KLF3: variants seen among roughly 807,000 people sequenced by gnomAD.
KLF3 encodes the protein KLF transcription factor 3.
KLF3 carries 6 observed loss-of-function variants against 32.7 expected under a neutral mutation model. That is an observed-to-expected ratio of 0.18 (90% CI 0.10 to 0.36). The LOEUF (loss-of-function observed/expected upper bound fraction) is 0.36, where lower values mean the gene tolerates loss of function less well. Ranked by LOEUF, KLF3 falls within the 10% of genes least tolerant of loss-of-function variation. The probability of loss-of-function intolerance (pLI) is 1.00; values close to 1 mark genes in which losing one functional copy is unlikely to be tolerated. For missense variants in KLF3, 338 were observed against 449.7 expected (o/e 0.75, Z 2.25); for synonymous variants, 145 against 172.8 (o/e 0.84, Z 1.26).
At position 38,688,445 on chromosome 4, in the gene KLF3, C is replaced by A; in HGVS notation, c.58-140C>A. The A allele has an allele frequency of 1.2e-6, 1 of 823,386 alleles. No individual in the cohort carries two copies. Among genetic ancestry groups the A allele is most frequent in the Admixed American group, 2.7e-5 (1 of 36,848 alleles). 51.0% of individuals were successfully genotyped at this position (823,386 alleles called of 1,614,324 possible). A position where few individuals can be genotyped will look rare whatever the true frequency, so the allele number is the denominator to read the frequency against. On this transcript the variant is annotated intron_variant, in intron 2 of 5. Coordinates refer to ENST00000261438, the MANE Select transcript of KLF3 (RefSeq NM_016531.6). This position sits in a 1 kb window ranked among gnomAD's most constrained non-coding sequence, Gnocchi z 4.9. Reference sequence around the variant, plus strand: ...ACCTCTTTGAGCATTTTTTTAAGGTCACATATATATCGAAATCTAAACTAT... The same window carrying A: ...ACCTCTTTGAGCATTTTTTTAAGGTAACATATATATCGAAATCTAAACTAT...
Position 38,674,448 on chromosome 4 carries a change from T to C in KLF3, c.-39-6139T>C, listed in dbSNP as rs1206679088. Among the ~76,000 whole-genome samples, 1 of 149,920 alleles carries C rather than the reference T, an allele frequency of 6.7e-6. No homozygotes were observed. The highest frequency in any genetic ancestry group is 2.5e-5 in the African/African-American group (1 of 40,780). On this transcript the variant is annotated intron_variant, in intron 1 of 5. Coordinates refer to ENST00000261438, the MANE Select transcript of KLF3 (RefSeq NM_016531.6). The surrounding 1 kb of genome is among the most constrained non-coding windows in gnomAD (Gnocchi z 4.1). ...GCACACACCGCCTTTTTTTTTTTTC[T>C]TTTTTTGCCTTAAGTTCCTTTGGGG... is the stretch of plus-strand genomic sequence containing the variant.
intron 1 of KLF3, among the ~76,000 whole-genome samples, chr4:38,667,716 C>CA (rs1167482487): frequency 6.6e-6 from 1 of 152,190 alleles, no homozygotes; most frequent in Non-Finnish European, 1.5e-5. Context: ...TCAGGATTAA[C>CA]ACCTTACAGT....
chr4:38,678,100 A>G (rs1722406404), intron 1 of KLF3, among the ~76,000 whole-genome samples: 1 of 152,180 alleles, frequency 6.6e-6, no homozygotes, highest in South Asian at 2.1e-4. Flanking sequence ...CATTTGCATC[A>G]AGATACTCTC....
chr4:38,675,824 A>G (rs2109241620), intron 1 of KLF3, among the ~76,000 whole-genome samples: 1 of 152,320 alleles, frequency 6.6e-6, no homozygotes, highest in East Asian at 1.9e-4. Flanking sequence ...CAGTGCACTG[A>G]GCCGCCCATG....
chr4:38,698,755 C>A lies in KLF3; in HGVS notation c.*1492C>A, dbSNP rs1723121199. On this transcript the variant is annotated 3_prime_UTR_variant, in exon 6 of 6. Transcript: ENST00000261438. ...CTTTTGAGCACCATAGTCTAAATGC[C>A]AATAAAAATAATTCATACATAGAAA... 1 of 151,976 alleles carries A rather than the reference C, an allele frequency of 6.6e-6. No homozygotes were observed. The highest frequency in any genetic ancestry group is 1.5e-5 in the Non-Finnish European group (1 of 68,002). 9.4% of individuals were successfully genotyped at this position (151,976 alleles called of 1,614,324 possible). A position where few individuals can be genotyped will look rare whatever the true frequency, so the allele number is the denominator to read the frequency against.
intron 1 of KLF3, among the ~76,000 whole-genome samples, chr4:38,665,860 A>C (rs1278833712): frequency 6.6e-6 from 1 of 152,190 alleles, no homozygotes; most frequent in African/African-American, 2.4e-5. Context: ...GATCTGCCTC[A>C]CCCTAGGGAA....
chr4:38,695,403 C>T (rs2109257677), intron 5 of KLF3, among the ~76,000 whole-genome samples: 1 of 152,308 alleles, frequency 6.6e-6, no homozygotes, highest in East Asian at 1.9e-4. Context: ...CTTGAGGGAA[C>T]TCTTATGCCG....
Position 38,699,576 on chromosome 4 carries a change from C to T in KLF3, c.*2313C>T, listed in dbSNP as rs1446236685. 6.6e-6 allele frequency: 1 copy of T among 152,214 alleles called. No homozygotes were observed. The highest frequency in any genetic ancestry group is 1.5e-5 in the Non-Finnish European group (1 of 68,050). 9.4% of individuals were successfully genotyped at this position (152,214 alleles called of 1,614,324 possible). ...TGAGCCTGAGTTCAGTGAATAGCCT[C>T]ATGGGCATCTCATGGAATTGATGCA... is the stretch of plus-strand genomic sequence containing the variant. On this transcript the variant is annotated 3_prime_UTR_variant, in exon 6 of 6. Transcript: ENST00000261438.
At chr4:38,689,113 G>C (rs191829592) in intron 3 of KLF3, 42 bp downstream of exon 3, 7 of 1,600,044 alleles carry the variant, frequency 4.4e-6, no homozygotes, top group Non-Finnish European at 6.0e-6. Context: ...CTTGCTTAGC[G>C]TACTGGCGCT....
At chr4:38,664,593 G>GC (rs1721942347) in intron 1 of KLF3, 132 bp downstream of exon 1, 1 of 151,974 alleles carries the variant, frequency 6.6e-6, no homozygotes, top group Non-Finnish European at 1.5e-5. Context: ...CTGGTGTTGG[G>GC]GGGGGCGCCT....
intron 2 of KLF3, among the ~76,000 whole-genome samples, chr4:38,686,261 A>G (rs1055634700): frequency 6.6e-6 from 1 of 151,974 alleles, no homozygotes; most frequent in East Asian, 1.9e-4. Context: ...CCTGGACAAC[A>G]TGACAAAACC....
chr4:38,700,627 T>TA lies in KLF3; in HGVS notation c.*3365dup, dbSNP rs1723170343. ...CAAATACTAGCACTTTTTTTTCTGT[T>TA]ATGTACTTAGTGTTAGAGGGTCAAA... On this transcript the variant is annotated 3_prime_UTR_variant, in exon 6 of 6. Transcript: ENST00000261438. The TA allele has an allele frequency of 6.6e-6, 1 of 152,206 alleles. No homozygotes were observed. Among genetic ancestry groups the TA allele is most frequent in the African/African-American group, 2.4e-5 (1 of 41,456 alleles). The allele number at this position is 152,206 out of a possible 1,614,324, so 9.4% of individuals were successfully genotyped here.
Position 38,697,136 on chromosome 4 carries a change from C to G in KLF3, c.911C>G (p.Ser304Cys). The G allele has an allele frequency of 6.2e-7, 1 of 1,614,004 alleles. No homozygotes were observed. Among genetic ancestry groups the G allele is most frequent in the Non-Finnish European group, 8.5e-7 (1 of 1,179,934 alleles). ...GGGTGCACATGGAAGTTTGCTCGGTCTGATGAACTAACAAGACATTTCCGA... is the reference window on the plus strand; with the variant it reads ...GGGTGCACATGGAAGTTTGCTCGGTGTGATGAACTAACAAGACATTTCCGA... ...WEGCTWKFAR[S>C]DELTRHFRKH... is the part of the protein sequence containing the mutation. The change falls in exon 6 of 6, where the codon TCT (serine) becomes TGT (cysteine). Residue 304 changes from serine (S) to cysteine (C), a missense_variant. Transcript: ENST00000261438.
In KLF3 at chr4:38,674,929, C is replaced by T. The variant is rs1262835297; in HGVS notation, c.-39-5658C>T. On this transcript the variant is annotated intron_variant, in intron 1 of 5. Coordinates refer to ENST00000261438, the MANE Select transcript of KLF3 (RefSeq NM_016531.6). The surrounding 1 kb of genome is among the most constrained non-coding windows in gnomAD (Gnocchi z 4.1). The stretch of plus-strand genomic sequence containing the variant: ...TGCTTTCAGAGGAGGTTTAGTAACC[C>T]CCTAACCTCGTCTTCCATGAAGGAC... 6.6e-6 allele frequency among the ~76,000 whole-genome samples: 1 copy of T among 152,118 alleles called. No homozygotes were observed. The highest frequency in any genetic ancestry group is 1.5e-5 in the Non-Finnish European group (1 of 68,026).
At chr4:38,680,496 G>T in intron 1 of KLF3, 91 bp from the exon 2 acceptor site, 1 of 649,108 alleles carries the variant, frequency 1.5e-6, no homozygotes, top group Non-Finnish European at 2.9e-6. Context: ...TTACAGGGGT[G>T]AGCCACCTTG....
intron 2 of KLF3, among the ~76,000 whole-genome samples, chr4:38,687,788 C>G (rs574176339): frequency 6.6e-6 from 1 of 152,302 alleles, no homozygotes; most frequent in East Asian, 1.9e-4. Flanking sequence ...AATAAGAACA[C>G]TGAGCAAGTT....
intron 5 of KLF3, among the ~76,000 whole-genome samples, chr4:38,696,210 G>T (rs1037917789): frequency 1.6e-5 from 2 of 123,044 alleles, no homozygotes; most frequent in Non-Finnish European, 3.4e-5. Flanking sequence ...AAAAAAAAAC[G>T]CCTCTTTGTG....
rs1560418607 is a variant in KLF3 at position 38,688,753 on chromosome 4, G to T, written c.226G>T (p.Gly76Trp). ...VNKRSSPPSA[G>W]NSPSSLKFPS... ...CAAGCGGAGTTCACCCCCTTCGGCT[G>T]GGAATTCGCCCTCCTCTCTGAAGTT... The change falls in exon 3 of 6, where the codon GGG (glycine) becomes TGG (tryptophan). Residue 76 changes from glycine to tryptophan, a missense_variant. Gly to Trp is a radical substitution (Grantham distance 184). Around this residue, in one of 2 missense-constraint regions of KLF3, gnomAD observed 272 missense variants for 313.4 expected, o/e 0.87. Transcript: ENST00000261438. This position sits in a 1 kb window ranked among gnomAD's most constrained non-coding sequence, Gnocchi z 4.9. 6.2e-7 allele frequency: 1 copy of T among 1,614,194 alleles called. No individual in the cohort carries two copies. Among genetic ancestry groups the T allele is most frequent in the Non-Finnish European group, 8.5e-7 (1 of 1,180,038 alleles).
Position 38,671,458 on chromosome 4 carries a change from G to A in KLF3, c.-40+6997G>A, listed in dbSNP as rs1722197317. On this transcript the variant is annotated intron_variant, in intron 1 of 5. Coordinates refer to ENST00000261438, the MANE Select transcript of KLF3 (RefSeq NM_016531.6). This position sits in a 1 kb window ranked among gnomAD's most constrained non-coding sequence, Gnocchi z 4.4. ...GTACTGAGACAGGGTGGGCAGCAGGGGCCAGTTGGAAGGAGTGGAAACTGT... is the reference window on the plus strand; with the variant it reads ...GTACTGAGACAGGGTGGGCAGCAGGAGCCAGTTGGAAGGAGTGGAAACTGT... Among the ~76,000 whole-genome samples, 1 of 152,166 alleles carries A rather than the reference G, an allele frequency of 6.6e-6. No homozygotes were observed. Among genetic ancestry groups the A allele is most frequent in the Admixed American group, 6.5e-5 (1 of 15,278 alleles).
Sources: allele counts gnomAD v4.1 joint callset (sites outside exome capture counted in the v4.1 genomes callset), GRCh38; gene constraint gnomAD v4.1.1; regional missense constraint gnomAD v4.1.1; non-coding constraint Gnocchi (gnomAD v3.1); transcripts MANE v1.5; gene names NCBI Gene and HGNC (gene_info 2026-07-23, HGNC 2026-07-21).